LRRTM4: variants seen among roughly 807,000 people sequenced by gnomAD.
LRRTM4 encodes leucine-rich repeat transmembrane neuronal protein 4.
In LRRTM4, 25 loss-of-function variants were observed where a neutral mutation model predicts 47.6. The ratio of observed to expected loss-of-function variants is 0.53; its 90% CI spans 0.38 to 0.73. The LOEUF is 0.73. LRRTM4 is among the 30% of genes least tolerant of loss of function. The pLI is 0.00. For synonymous variants in LRRTM4, 311 were observed against 269.5 expected (o/e 1.15, Z -1.51); for missense variants, 638 against 713.4 (o/e 0.89, Z 1.20).
At chr2:76,779,861 G>A (rs1186233849) in intron 3 of LRRTM4, among the ~76,000 whole-genome samples, 1 of 152,048 alleles carries the variant, frequency 6.6e-6, no homozygotes, top group Non-Finnish European at 1.5e-5. Context: ...TAGTCTTGAT[G>A]GTCTTTACAT....
Position 77,052,150 on chromosome 2 carries a change from C to CTTTTTT in LRRTM4, c.1552-303240_1552-303235dup, listed in dbSNP as rs70939841. 8.6e-3 allele frequency among the ~76,000 whole-genome samples: 544 copies of CTTTTTT among 63,568 alleles called. 36 individuals are homozygous for CTTTTTT. Among genetic ancestry groups the CTTTTTT allele is most frequent in the African/African-American group, 0.03 (441 of 14,574 alleles). The allele number at this position is 63,568 out of a possible 152,430, so 41.7% of individuals were successfully genotyped here. A position where few individuals can be genotyped will look rare whatever the true frequency, so the allele number is the denominator to read the frequency against. ...GCAAAAAAAAATACCGTTACATTTC[C>CTTTTTT]TTTTTTTTTTTTTTTTTTTTTTTGA... On this transcript the variant is annotated intron_variant, in intron 3 of 3. Coordinates refer to ENST00000409884, the MANE Select transcript of LRRTM4 (RefSeq NM_001134745.3).
chr2:76,939,010 A>C (rs1435645751), intron 3 of LRRTM4, among the ~76,000 whole-genome samples: 4 of 152,020 alleles, frequency 2.6e-5, no homozygotes, highest in Non-Finnish European at 4.4e-5. Flanking sequence ...TGAGTAGGAG[A>C]TTATGAATAA....
At chr2:77,174,334 G>C (rs1293054473) in intron 3 of LRRTM4, among the ~76,000 whole-genome samples, 1 of 152,160 alleles carries the variant, frequency 6.6e-6, no homozygotes, top group Non-Finnish European at 1.5e-5. Context: ...ACATTATTCA[G>C]CTTTTCAGGC....
intron 3 of LRRTM4, among the ~76,000 whole-genome samples, chr2:76,862,012 G>T (rs1340112238): frequency 6.6e-6 from 1 of 151,844 alleles, no homozygotes; most frequent in Non-Finnish European, 1.5e-5. Context: ...CAGGTTGTTT[G>T]TGTGCTTAGT....
rs368090632 is a variant in LRRTM4 at position 77,314,281 on chromosome 2, G to A, written c.1551+204037C>T. Among the ~76,000 whole-genome samples the A allele has an allele frequency of 1.1e-4, 16 of 152,172 alleles. No individual in the cohort carries two copies. The East Asian group carries it at 2.1e-3, about 20-fold the overall frequency. On this transcript the variant is annotated intron_variant, in intron 3 of 3. Transcript: ENST00000409884. ...GGTTTGTTTTATATAATTTTGCTAT[G>A]TTTTAGTATTCAGTGAATGAAGATG...
intron 3 of LRRTM4, among the ~76,000 whole-genome samples, chr2:77,429,753 A>T (rs916991766): frequency 1.3e-5 from 2 of 152,184 alleles, no homozygotes; most frequent in South Asian, 2.1e-4. Context: ...TAAAATTTCT[A>T]TTGAGACAGG....
intron 3 of LRRTM4, among the ~76,000 whole-genome samples, chr2:76,807,358 G>T (rs1181773656): frequency 1.4e-5 from 2 of 144,218 alleles, no homozygotes; most frequent in Non-Finnish European, 3.0e-5. Flanking sequence ...TATGTTCCCA[G>T]AATATGCATT....
Position 76,974,175 on chromosome 2 carries a change from TATATATACATAC to T in LRRTM4, c.1552-225271_1552-225260del, listed in dbSNP as rs1558771491. 9.5e-5 allele frequency among the ~76,000 whole-genome samples: 13 copies of T among 137,366 alleles called. No homozygotes were observed. The East Asian group carries it at 2.0e-3, about 21-fold the overall frequency. The allele number at this position is 137,366 out of a possible 152,430, so 90.1% of individuals were successfully genotyped here. On this transcript the variant is annotated intron_variant, in intron 3 of 3. Coordinates refer to ENST00000409884, the MANE Select transcript of LRRTM4 (RefSeq NM_001134745.3). Reference sequence around the variant, plus strand: ...ACATACATATATATATATACATACATATATATACATACATATATATACATATATATATATACA... The same window carrying T: ...ACATACATATATATATATACATACATATATATATACATATATATATATACA...
chr2:76,815,298 T>G (rs1670867591), intron 3 of LRRTM4, among the ~76,000 whole-genome samples: 1 of 151,934 alleles, frequency 6.6e-6, no homozygotes, highest in Admixed American at 6.6e-5. Context: ...AGAGGTTACT[T>G]TGGTTAACGG....
chr2:77,190,337 C>T (rs1414707195), intron 3 of LRRTM4, among the ~76,000 whole-genome samples: 1 of 142,936 alleles, frequency 7.0e-6, no homozygotes, highest in Non-Finnish European at 1.5e-5. Context: ...CTGTTGTCAC[C>T]CAGGCTGGAG....
At chr2:76,754,819 C>G (rs1672971358) in intron 3 of LRRTM4, among the ~76,000 whole-genome samples, 1 of 152,060 alleles carries the variant, frequency 6.6e-6, no homozygotes, top group African/African-American at 2.4e-5. Context: ...TGTGAACGTG[C>G]TTAGATTATT....
At chr2:77,350,895 A>G (rs748767937) in intron 3 of LRRTM4, among the ~76,000 whole-genome samples, 3 of 152,222 alleles carry the variant, frequency 2.0e-5, no homozygotes, top group Non-Finnish European at 2.9e-5. Context: ...ACTGAAAAAA[A>G]TTAAAATATT....
At chr2:77,069,167 T>A (rs981851831) in intron 3 of LRRTM4, among the ~76,000 whole-genome samples, 6 of 152,180 alleles carry the variant, frequency 3.9e-5, no homozygotes, top group African/African-American at 1.4e-4. Context: ...TTTACCCCTC[T>A]ATATTTCTGT....
intron 3 of LRRTM4, among the ~76,000 whole-genome samples, chr2:76,942,490 CAT>C (rs1675179701): frequency 1.0e-5 from 1 of 99,132 alleles, no homozygotes. Flanking sequence ...TCTGTGCTAA[CAT>C]TTTTTTTTTT....
intron 3 of LRRTM4, among the ~76,000 whole-genome samples, chr2:77,479,593 T>G (rs1191998674): frequency 1.3e-5 from 2 of 152,172 alleles, no homozygotes; most frequent in African/African-American, 4.8e-5. Context: ...AGGTACACAG[T>G]TTGTTACTGC....
chr2:77,229,754 C>A (rs561079049), intron 3 of LRRTM4, among the ~76,000 whole-genome samples: 2 of 152,076 alleles, frequency 1.3e-5, no homozygotes, highest in Non-Finnish European at 2.9e-5. Flanking sequence ...AGTATACATG[C>A]GGCTCAGGTT....
At chr2:76,951,899 AT>A (rs1325553933) in intron 3 of LRRTM4, among the ~76,000 whole-genome samples, 1 of 151,422 alleles carries the variant, frequency 6.6e-6, no homozygotes, top group Non-Finnish European at 1.5e-5. Context: ...TTCTGTTCCT[AT>A]GTTAGTTTGC....
At chr2:77,107,287 C>T (rs975432404) in intron 3 of LRRTM4, among the ~76,000 whole-genome samples, 1 of 137,526 alleles carries the variant, frequency 7.3e-6, no homozygotes, top group Non-Finnish European at 1.5e-5. Context: ...AAACAATGAA[C>T]TATATTACCT....
chr2:77,086,481 T>TG lies in LRRTM4; in HGVS notation c.1552-337566_1552-337565insC, dbSNP rs796446313. On this transcript the variant is annotated intron_variant, in intron 3 of 3. Coordinates refer to ENST00000409884, the MANE Select transcript of LRRTM4 (RefSeq NM_001134745.3). ...ATTGCAGGTTACATATAATAATTTT[T>TG]TTTTTTTTTTTTTGAAATGGAGTTT... Among the ~76,000 whole-genome samples, 1,264 of 151,032 alleles carry TG rather than the reference T, an allele frequency of 8.4e-3. 20 individuals are homozygous for TG. Among genetic ancestry groups the TG allele is most frequent in the South Asian group, 0.054 (259 of 4,766 alleles).
Sources: allele counts gnomAD v4.1 joint callset (sites outside exome capture counted in the v4.1 genomes callset), GRCh38; gene constraint gnomAD v4.1.1; transcripts MANE v1.5; gene names NCBI Gene and HGNC (gene_info 2026-07-23, HGNC 2026-07-21).